Variants in CTNNA2 observed in about 807,000 individuals in gnomAD.
CTNNA2 encodes catenin alpha-2.
Under a neutral mutation model 101.0 loss-of-function variants are expected in CTNNA2, and 42 were observed. That is an observed-to-expected ratio of 0.42 (90% CI 0.32 to 0.54). The LOEUF (loss-of-function observed/expected upper bound fraction) is 0.54, where lower values mean the gene tolerates loss of function less well. Ranked by LOEUF, CTNNA2 falls within the 20% of genes least tolerant of loss-of-function variation. The pLI is 0.14. For synonymous variants in CTNNA2, 450 were observed against 456.4 expected, an observed-to-expected ratio of 0.99 and a Z score of 0.18; for missense variants, 871 against 1,223.1, an observed-to-expected ratio of 0.71 and a Z score of 4.29.
intron 2 of CTNNA2, among the ~76,000 whole-genome samples, chr2:79,226,787 C>T (rs960246681): frequency 2.0e-5 from 3 of 151,916 alleles, no homozygotes; most frequent in Non-Finnish European, 2.9e-5. Context: ...AAATATTGCA[C>T]CAGGGGATTC....
intron 4 of CTNNA2, among the ~76,000 whole-genome samples, chr2:79,422,235 T>C (rs1678547644): frequency 6.8e-6 from 1 of 146,402 alleles, no homozygotes; most frequent in Non-Finnish European, 1.5e-5. Context: ...TGGTAGAATC[T>C]TTTTTTTTTT....
intron 3 of CTNNA2, among the ~76,000 whole-genome samples, chr2:79,333,787 T>A (rs1676929615): frequency 6.6e-6 from 1 of 152,040 alleles, no homozygotes; most frequent in African/African-American, 2.4e-5. Context: ...ATAACAAAAA[T>A]TATCTCTCAA....
intron 18 of CTNNA2, among the ~76,000 whole-genome samples, chr2:80,636,642 T>A (rs1672912018): frequency 6.6e-6 from 1 of 152,176 alleles, no homozygotes; most frequent in East Asian, 1.9e-4. Flanking sequence ...CCAAAATGAA[T>A]AGCTGGAATT....
At position 80,329,599 on chromosome 2, in the gene CTNNA2, A is replaced by G. The variant is rs148304055; in HGVS notation, c.1057-63612A>G. On this transcript the variant is annotated intron_variant, in intron 7 of 18. Coordinates refer to ENST00000402739, the MANE Select transcript of CTNNA2 (RefSeq NM_001282597.3). ...AGGGCTGTGTTAGGATGCGGTGGGA[A>G]GTAAGGAGAATACCTACCTTAACAA... Among the ~76,000 whole-genome samples, 1,101 of 152,278 alleles carry G rather than the reference A, an allele frequency of 7.2e-3. 7 individuals are homozygous for G. Among genetic ancestry groups the G allele is most frequent in the Non-Finnish European group, 0.013 (881 of 68,026 alleles).
At chr2:80,632,136 T>C (rs575173044) in intron 18 of CTNNA2, among the ~76,000 whole-genome samples, 33 of 152,150 alleles carry the variant, frequency 2.2e-4, no homozygotes, top group African/African-American at 7.5e-4. Context: ...TAATCTCCAT[T>C]TGTACAGCGA....
intron 3 of CTNNA2, among the ~76,000 whole-genome samples, chr2:79,790,754 C>G (rs1048776485): frequency 6.6e-6 from 1 of 152,128 alleles, no homozygotes; most frequent in Non-Finnish European, 1.5e-5. Context: ...GTAAGTGTCC[C>G]CTGATCCAAT....
intron 2 of CTNNA2, among the ~76,000 whole-genome samples, chr2:79,294,171 CAG>C (rs144803660): frequency 3.9e-4 from 55 of 142,578 alleles, no homozygotes; most frequent in Admixed American, 5.0e-4. Flanking sequence ...GCATGGCAGA[CAG>C]AGAGAGAGAG....
chr2:79,654,457 T>C (rs1681468779), intron 2 of CTNNA2, among the ~76,000 whole-genome samples: 1 of 152,182 alleles, frequency 6.6e-6, no homozygotes, highest in South Asian at 2.1e-4. Flanking sequence ...CCTTCTTCCA[T>C]TTTAGAGCCA....
chr2:80,363,840 A>G (rs561692095), intron 7 of CTNNA2, among the ~76,000 whole-genome samples: 2 of 152,306 alleles, frequency 1.3e-5, no homozygotes, highest in East Asian at 3.9e-4. Flanking sequence ...AACGGAATTT[A>G]TATCAACCAT....
At chr2:79,487,772 A>T (rs1671171613) in intron 4 of CTNNA2, among the ~76,000 whole-genome samples, 1 of 152,222 alleles carries the variant, frequency 6.6e-6, no homozygotes, top group African/African-American at 2.4e-5. Context: ...GAACACAATT[A>T]ACCCAGAAAA....
At chr2:80,369,188 C>A (rs1675224906) in intron 7 of CTNNA2, among the ~76,000 whole-genome samples, 1 of 151,980 alleles carries the variant, frequency 6.6e-6, no homozygotes, top group Admixed American at 6.6e-5. Flanking sequence ...TCTTTTTATA[C>A]CTATGCAAGT....
At chr2:79,489,379 C>A (rs1573189829) in intron 4 of CTNNA2, among the ~76,000 whole-genome samples, 1 of 152,100 alleles carries the variant, frequency 6.6e-6, no homozygotes, top group South Asian at 2.1e-4. Context: ...ATATCTAAAT[C>A]ATTTTCTATT....
chr2:79,304,445 T>G (rs1209732774), intron 2 of CTNNA2, among the ~76,000 whole-genome samples: 1 of 152,052 alleles, frequency 6.6e-6, no homozygotes, highest in Non-Finnish European at 1.5e-5. Flanking sequence ...GTGTTTCCAC[T>G]TACATTAAGG....
chr2:79,956,469 T>C (rs1019704075), intron 7 of CTNNA2, among the ~76,000 whole-genome samples: 1 of 152,050 alleles, frequency 6.6e-6, no homozygotes, highest in Admixed American at 6.6e-5. Context: ...CATACAACTT[T>C]TAAGAACCAT....
intron 4 of CTNNA2, among the ~76,000 whole-genome samples, chr2:79,434,662 AAGG>A (rs1335301952): frequency 6.6e-6 from 1 of 152,168 alleles, no homozygotes; most frequent in Non-Finnish European, 1.5e-5. Context: ...AAGCAGAGTA[AAGG>A]AACAAAGATC....
At chr2:80,535,254 C>A (rs1273876030) in intron 9 of CTNNA2, among the ~76,000 whole-genome samples, 1 of 152,086 alleles carries the variant, frequency 6.6e-6, no homozygotes, top group Non-Finnish European at 1.5e-5. Flanking sequence ...TCATCTAGGG[C>A]ATAAGTAATA....
intron 1 of CTNNA2, among the ~76,000 whole-genome samples, chr2:79,515,457 T>A (rs989664035): frequency 6.6e-6 from 1 of 152,220 alleles, no homozygotes; most frequent in Non-Finnish European, 1.5e-5. Flanking sequence ...TCTATGGGCT[T>A]TGCTCTTTCT....
At chr2:79,904,418 A>G (rs1685278765) in intron 6 of CTNNA2, among the ~76,000 whole-genome samples, 1 of 152,226 alleles carries the variant, frequency 6.6e-6, no homozygotes, top group Non-Finnish European at 1.5e-5. Context: ...AGCATGACAG[A>G]TAATACTTAA....
At chr2:79,632,475 T>A (rs1401370072) in intron 1 of CTNNA2, among the ~76,000 whole-genome samples, 1 of 152,242 alleles carries the variant, frequency 6.6e-6, no homozygotes, top group Non-Finnish European at 1.5e-5. Context: ...ATAATGTTTT[T>A]ATAGTGCGAT....
Sources: gnomAD v4.1 joint callset for allele counts (sites outside exome capture counted in the v4.1 genomes callset) on GRCh38, gnomAD v4.1.1 for gene constraint, MANE v1.5 for transcripts, NCBI Gene and HGNC (gene_info 2026-07-23, HGNC 2026-07-21) for gene names.